The following YEATS2 variants were observed in gnomAD, a reference collection of about 807,000 sequenced individuals.
The protein encoded by YEATS2 is YEATS domain containing 2, also known as YEATS domain-containing protein 2.
In YEATS2, 77 loss-of-function variants were observed where a neutral mutation model predicts 163.2. The ratio of observed to expected loss-of-function variants is 0.47; its 90% CI spans 0.39 to 0.57. YEATS2 has a LOEUF of 0.57. Among genes scored for constraint, YEATS2 ranks in the 20% least tolerant of loss-of-function variants. The pLI is 0.00. For missense variants in YEATS2, 1,549 were observed against 1,729.8 expected (o/e 0.90, Z 1.85); for synonymous variants, 631 against 645.1 (o/e 0.98, Z 0.33).
chr3:183,702,892 G>T (rs1379684694), intron 1 of YEATS2, among the ~76,000 whole-genome samples: 1 of 152,030 alleles, frequency 6.6e-6, no homozygotes, highest in Non-Finnish European at 1.5e-5. Flanking sequence ...GTGCATTAAT[G>T]GAGAGAAGCA....
chr3:183,748,908 A>G (rs1157281704), intron 9 of YEATS2, among the ~76,000 whole-genome samples: 1 of 151,956 alleles, frequency 6.6e-6, no homozygotes, highest in African/African-American at 2.4e-5. Flanking sequence ...CTTGGTTCAT[A>G]TATATATGTG....
At chr3:183,784,025 C>T (rs1031899824) in intron 19 of YEATS2, among the ~76,000 whole-genome samples, 1 of 152,164 alleles carries the variant, frequency 6.6e-6, no homozygotes, top group African/African-American at 2.4e-5. Context: ...CCCATCCCAA[C>T]CTCCCAAGTA....
intron 15 of YEATS2, among the ~76,000 whole-genome samples, chr3:183,771,538 CTTGCCT>C (rs1722459530): frequency 2.5e-5 from 1 of 40,706 alleles, no homozygotes; most frequent in Non-Finnish European, 4.9e-5. Context: ...AAATATTATT[CTTGCCT>C]TTTTTTTTTT....
chr3:183,792,709 A>G (rs942873001), intron 21 of YEATS2, among the ~76,000 whole-genome samples: 1 of 151,914 alleles, frequency 6.6e-6, no homozygotes, highest in South Asian at 2.1e-4. Flanking sequence ...GGTTTTTACC[A>G]TGTTGGCCAG....
chr3:183,808,202 T>C (rs1726419017), intron 29 of YEATS2, 98 bp downstream of exon 29: 1 of 974,174 alleles, frequency 1.0e-6, no homozygotes, highest in Non-Finnish European at 1.5e-6. Context: ...GATAACAGGC[T>C]TTAAAATGTC....
chr3:183,799,019 A>T, intron 23 of YEATS2, 30 bp downstream of exon 23: 1 of 1,558,918 alleles, frequency 6.4e-7, no homozygotes, highest in Non-Finnish European at 8.9e-7. Context: ...GTTCTCGTCC[A>T]GAAGTTTTGT....
chr3:183,757,224 T>G (rs1217397085), intron 12 of YEATS2, among the ~76,000 whole-genome samples: 1 of 152,192 alleles, frequency 6.6e-6, no homozygotes, highest in African/African-American at 2.4e-5. Flanking sequence ...TAGGTTTTTT[T>G]GAAATGCTTT....
intron 27 of YEATS2, among the ~76,000 whole-genome samples, chr3:183,805,221 C>T (rs1436959868): frequency 6.6e-6 from 1 of 151,782 alleles, no homozygotes; most frequent in African/African-American, 2.4e-5. Context: ...GGCAACATAG[C>T]AGGACCTTGT....
At chr3:183,792,799 A>G (rs1377598408) in intron 21 of YEATS2, among the ~76,000 whole-genome samples, 2 of 152,130 alleles carry the variant, frequency 1.3e-5, no homozygotes, top group Admixed American at 6.5e-5. Context: ...ATGAGCCACC[A>G]TGCCCAGCCA....
At chr3:183,756,915 T>A (rs1720832748) in intron 12 of YEATS2, among the ~76,000 whole-genome samples, 1 of 152,214 alleles carries the variant, frequency 6.6e-6, no homozygotes, top group Non-Finnish European at 1.5e-5. Flanking sequence ...TTCTAAAAGT[T>A]CAAAATAAGC....
chr3:183,719,928 A>G (rs1716320425), intron 4 of YEATS2, among the ~76,000 whole-genome samples: 1 of 152,178 alleles, frequency 6.6e-6, no homozygotes, highest in East Asian at 1.9e-4. Context: ...GACTTTTCGG[A>G]GAAACCAGGC....
At chr3:183,767,888 A>G (rs1486588873) in intron 15 of YEATS2, among the ~76,000 whole-genome samples, 5 of 152,336 alleles carry the variant, frequency 3.3e-5, no homozygotes, top group Middle Eastern at 6.8e-3. Context: ...CACTTGGCAC[A>G]AGAAAGGAAA....
At chr3:183,797,667 A>C (rs182668203) in intron 21 of YEATS2, among the ~76,000 whole-genome samples, 2 of 152,088 alleles carry the variant, frequency 1.3e-5, no homozygotes, top group Admixed American at 1.3e-4. Flanking sequence ...CAGAGGTTGC[A>C]CTAAGCCGAG....
intron 1 of YEATS2, among the ~76,000 whole-genome samples, chr3:183,702,176 G>A (rs939681624): frequency 1.3e-5 from 2 of 152,198 alleles, no homozygotes; most frequent in African/African-American, 4.8e-5. Flanking sequence ...CAGCCGCGGT[G>A]GCTCATACCT....
chr3:183,801,999 T>C (rs1290095642), intron 25 of YEATS2: 1 of 157,510 alleles, frequency 6.3e-6, no homozygotes, highest in Non-Finnish European at 1.4e-5. Context: ...GAGCCACGGG[T>C]GGTGAAACAG....
chr3:183,711,059 A>G (rs533760965), intron 1 of YEATS2, among the ~76,000 whole-genome samples: 2 of 151,732 alleles, frequency 1.3e-5, no homozygotes, highest in Non-Finnish European at 2.9e-5. Context: ...AATTAAGTTT[A>G]TTTTTTTTTA....
At chr3:183,751,294 C>G (rs1196569756) in intron 9 of YEATS2, among the ~76,000 whole-genome samples, 1 of 152,190 alleles carries the variant, frequency 6.6e-6, no homozygotes, top group Non-Finnish European at 1.5e-5. Flanking sequence ...GTCTGTATGT[C>G]TGTCTTTATG....
intron 22 of YEATS2, among the ~76,000 whole-genome samples, chr3:183,798,598 C>T (rs962256330): frequency 6.6e-6 from 1 of 152,202 alleles, no homozygotes; most frequent in Admixed American, 6.5e-5. Flanking sequence ...AGGTGATCCA[C>T]CCGCCTCAGT....
chr3:183,806,885 C>G lies in YEATS2; in HGVS notation c.3804C>G (p.Ser1268=). The G allele has an allele frequency of 6.2e-7, 1 of 1,613,956 alleles. No individual in the cohort carries two copies. Among genetic ancestry groups the G allele is most frequent in the Non-Finnish European group, 8.5e-7 (1 of 1,179,916 alleles). The change falls in exon 28 of 31, where the codon TCC becomes TCG. Residue 1268 remains serine, a synonymous_variant. Coordinates refer to ENST00000305135, the MANE Select transcript of YEATS2 (RefSeq NM_018023.5). The stretch of plus-strand genomic sequence containing the variant: ...ATTTAGAGTGCCCATCATCATTCTC[C>G]TCTGCTGACAACCTCTGCCGCAAAC... ...DSEPECPSSF[S]SADNLCRKLE...
Sources: gnomAD v4.1 joint callset for allele counts (sites outside exome capture counted in the v4.1 genomes callset) on GRCh38, gnomAD v4.1.1 for gene constraint, MANE v1.5 for transcripts, NCBI Gene and HGNC (gene_info 2026-07-23, HGNC 2026-07-21) for gene names.